CDH8: variants seen among roughly 807,000 people sequenced by gnomAD.
CDH8 encodes the protein cadherin-8.
In CDH8, 17 loss-of-function variants were observed where a neutral mutation model predicts 68.1. The observed-to-expected ratio is 0.25, with a 90% CI of 0.17 to 0.37. The LOEUF (loss-of-function observed/expected upper bound fraction) is 0.37. Among genes scored for constraint, CDH8 ranks in the 10% least tolerant of loss-of-function variants. The pLI, the probability that CDH8 is intolerant of heterozygous loss-of-function variation, is 1.00. For synonymous variants in CDH8, 372 were observed against 365.1 expected (o/e 1.02, Z -0.21); for missense variants, 763 against 999.3 (o/e 0.76, Z 3.19).
chr16:61,723,344 C>T (rs916523912), intron 9 of CDH8, among the ~76,000 whole-genome samples: 1 of 150,628 alleles, frequency 6.6e-6, no homozygotes, highest in South Asian at 2.1e-4. Context: ...CATTTGTTAC[C>T]TGTTCCTCCA....
In CDH8 at chr16:61,713,859, T is replaced by C; in HGVS notation, c.1636A>G (p.Thr546Ala). The C allele has an allele frequency of 6.3e-7, 1 of 1,574,908 alleles. No individual in the cohort carries two copies. Among genetic ancestry groups the C allele is most frequent in the Non-Finnish European group, 8.7e-7 (1 of 1,145,242 alleles). The change falls in exon 10 of 12, where the codon ACC becomes GCC. Residue 546 changes from threonine to alanine, a missense_variant. Coordinates refer to ENST00000577390, the MANE Select transcript of CDH8 (RefSeq NM_001796.5). ...LPEMVNNPNFTIKKNEDNSLS... is the reference protein window; with the variant it reads ...LPEMVNNPNFAIKKNEDNSLS... Reference sequence around the variant, plus strand: ...TATTTACCTTCATTTTTCTTGATGGTGAAATTCGGATTGTTGACCATTTCT... The same window carrying C: ...TATTTACCTTCATTTTTCTTGATGGCGAAATTCGGATTGTTGACCATTTCT...
At chr16:61,943,232 A>G (rs1234822800) in intron 2 of CDH8, among the ~76,000 whole-genome samples, 1 of 152,248 alleles carries the variant, frequency 6.6e-6, no homozygotes, top group African/African-American at 2.4e-5. Flanking sequence ...TCATGAAAGT[A>G]GAGGCCTTAT....
In CDH8 at chr16:61,960,409, A is replaced by G. The variant is rs868119695; in HGVS notation, c.253-58936T>C. ...TGTGTATACACATACATATATACAT[A>G]TATGTGTGTGTGTATACACATACAT... On this transcript the variant is annotated intron_variant, in intron 2 of 11. Coordinates refer to ENST00000577390, the MANE Select transcript of CDH8 (RefSeq NM_001796.5). Among the ~76,000 whole-genome samples the G allele has an allele frequency of 1.3e-3, 138 of 102,870 alleles. 26 individuals carry two copies. The highest frequency in any genetic ancestry group is 3.8e-3 in the South Asian group (13 of 3,442). The allele number at this position is 102,870 out of a possible 152,430, so 67.5% of individuals were successfully genotyped here. A position where few individuals can be genotyped will look rare whatever the true frequency, so the allele number is the denominator to read the frequency against.
chr16:61,885,755 C>T lies in CDH8; in HGVS notation c.547+15424G>A, dbSNP rs577902195. ...AATCTTAGGGTGATTGTCATTATTC[C>T]GATTATTCTGTCAAGGTGAGAAAAA... On this transcript the variant is annotated intron_variant, in intron 3 of 11. Coordinates refer to ENST00000577390, the MANE Select transcript of CDH8 (RefSeq NM_001796.5). Among the ~76,000 whole-genome samples the T allele has an allele frequency of 1.0e-4, 15 of 150,136 alleles. No individual in the cohort carries two copies. The South Asian group carries it at 2.9e-3, about 29-fold the overall frequency.
At chr16:62,010,848 C>CAGGA (rs1291210261) in intron 2 of CDH8, among the ~76,000 whole-genome samples, 7 of 151,600 alleles carry the variant, frequency 4.6e-5, no homozygotes, top group Non-Finnish European at 1.0e-4. Context: ...GAGGCTGAGG[C>CAGGA]AGGAGATGCG....
chr16:61,754,190 T>C (rs574495958), intron 8 of CDH8, among the ~76,000 whole-genome samples: 1 of 152,138 alleles, frequency 6.6e-6, no homozygotes, highest in Non-Finnish European at 1.5e-5. Flanking sequence ...TAAAATAATG[T>C]AGATACAAGA....
chr16:61,808,802 T>G (rs1961868060), intron 7 of CDH8, among the ~76,000 whole-genome samples: 1 of 152,118 alleles, frequency 6.6e-6, no homozygotes, highest in Admixed American at 6.5e-5. Flanking sequence ...AAGAACGTAT[T>G]TTAGGTTTTG....
intron 10 of CDH8, among the ~76,000 whole-genome samples, chr16:61,702,015 C>T (rs987906405): frequency 7.9e-5 from 12 of 152,138 alleles, no homozygotes; most frequent in Admixed American, 3.9e-4. Flanking sequence ...GAAAGTTGTG[C>T]GAGGTTGAGT....
At chr16:61,660,780 A>G (rs1414153655) in intron 10 of CDH8, among the ~76,000 whole-genome samples, 1 of 152,068 alleles carries the variant, frequency 6.6e-6, no homozygotes, top group Non-Finnish European at 1.5e-5. Context: ...AAAATGCTCA[A>G]GGAAAAAAAT....
At chr16:61,716,229 A>T (rs759980845) in intron 9 of CDH8, among the ~76,000 whole-genome samples, 2 of 151,628 alleles carry the variant, frequency 1.3e-5, no homozygotes, top group Non-Finnish European at 3.0e-5. Context: ...TTTTCAAGTA[A>T]TCTGCGTGAA....
chr16:61,917,976 T>A (rs888385675), intron 2 of CDH8, among the ~76,000 whole-genome samples: 39 of 150,978 alleles, frequency 2.6e-4, no homozygotes, highest in African/African-American at 6.1e-4. Context: ...TGCTTTTTTT[T>A]TTTTTTTTTT....
At chr16:61,849,863 T>G (rs1279680097) in intron 4 of CDH8, among the ~76,000 whole-genome samples, 1 of 152,172 alleles carries the variant, frequency 6.6e-6, no homozygotes, top group Non-Finnish European at 1.5e-5. Flanking sequence ...TATCACATTT[T>G]GTTTCATTAA....
At chr16:61,681,660 A>G (rs945367611) in intron 10 of CDH8, among the ~76,000 whole-genome samples, 10 of 151,866 alleles carry the variant, frequency 6.6e-5, no homozygotes, top group African/African-American at 2.4e-4. Flanking sequence ...AAAATGGGCA[A>G]ATTTTATGGA....
intron 2 of CDH8, among the ~76,000 whole-genome samples, chr16:61,954,310 TCACATCAAAA>T (rs1964948456): frequency 6.6e-6 from 1 of 152,140 alleles, no homozygotes; most frequent in Admixed American, 6.5e-5. Flanking sequence ...ATTGAGGGTT[TCACATCAAAA>T]CAATTATTCC....
At chr16:61,859,689 T>C (rs1004089124) in intron 3 of CDH8, among the ~76,000 whole-genome samples, 4 of 152,168 alleles carry the variant, frequency 2.6e-5, no homozygotes, top group African/African-American at 9.7e-5. Flanking sequence ...CCTGTTTTGA[T>C]CTTTGTGGTA....
chr16:61,984,942 C>T (rs1965600849), intron 2 of CDH8, among the ~76,000 whole-genome samples: 1 of 152,086 alleles, frequency 6.6e-6, no homozygotes. Flanking sequence ...AGTGCTATTT[C>T]TGTTTATATG....
chr16:61,986,395 T>TG (rs1370996325), intron 2 of CDH8, among the ~76,000 whole-genome samples: 3 of 152,218 alleles, frequency 2.0e-5, no homozygotes, highest in East Asian at 1.9e-4. Flanking sequence ...TTGAATTCCC[T>TG]GGGGAACTTC....
intron 10 of CDH8, 82 bp downstream of exon 10, chr16:61,713,756 AATG>A: frequency 2.7e-6 from 2 of 738,972 alleles, no homozygotes; most frequent in Non-Finnish European, 4.7e-6. Flanking sequence ...AAATTATCTT[AATG>A]ATAATTTTCA....
At chr16:61,672,778 G>T (rs16963798) in intron 10 of CDH8, among the ~76,000 whole-genome samples, 7 of 151,806 alleles carry the variant, frequency 4.6e-5, no homozygotes, top group African/African-American at 1.5e-4. Flanking sequence ...TAAAAGTAAG[G>T]TTCTTCAAGA....
Sources: gnomAD v4.1 joint callset for allele counts (sites outside exome capture counted in the v4.1 genomes callset) on GRCh38, gnomAD v4.1.1 for gene constraint, MANE v1.5 for transcripts, NCBI Gene and HGNC (gene_info 2026-07-23, HGNC 2026-07-21) for gene names.